Variants in AGBL4 observed in about 807,000 individuals in gnomAD.
AGBL4 encodes the protein AGBL carboxypeptidase 4.
In AGBL4, 58 loss-of-function variants were observed where a neutral mutation model predicts 66.4. The ratio of observed to expected loss-of-function variants is 0.87; its 90% CI spans 0.71 to 1.09. The LOEUF (loss-of-function observed/expected upper bound fraction) is 1.09. Ranked by LOEUF, AGBL4 falls within the 50% of genes least tolerant of loss-of-function variation. The pLI is 0.00. For synonymous variants in AGBL4, 234 were observed against 222.9 expected (o/e 1.05, Z -0.44); for missense variants, 579 against 631.0 (o/e 0.92, Z 0.88).
intron 6 of AGBL4, among the ~76,000 whole-genome samples, chr1:48,695,712 CAG>C (rs376757788): frequency 4.6e-4 from 70 of 152,284 alleles, no homozygotes; most frequent in African/African-American, 1.7e-3. Flanking sequence ...GAGAGGGACT[CAG>C]AGGAGGACAG....
intron 4 of AGBL4, among the ~76,000 whole-genome samples, chr1:49,202,727 A>T (rs1647808580): frequency 6.6e-6 from 1 of 152,092 alleles, no homozygotes; most frequent in Non-Finnish European, 1.5e-5. Flanking sequence ...TGACATCAAA[A>T]GCACAGCAAA....
intron 3 of AGBL4, among the ~76,000 whole-genome samples, chr1:49,695,597 G>A (rs76550531): frequency 2.0e-5 from 3 of 152,154 alleles, no homozygotes; most frequent in African/African-American, 7.2e-5. Context: ...ACTGAAAAGG[G>A]AACTCTGCCA....
chr1:49,568,413 G>A (rs1471091469), intron 3 of AGBL4, among the ~76,000 whole-genome samples: 1 of 149,880 alleles, frequency 6.7e-6, no homozygotes, highest in Admixed American at 6.7e-5. Context: ...AAAATACCTG[G>A]GAATACAACT....
chr1:49,613,832 C>G (rs1044919251), intron 3 of AGBL4, among the ~76,000 whole-genome samples: 2 of 152,160 alleles, frequency 1.3e-5, no homozygotes, highest in Non-Finnish European at 2.9e-5. Context: ...AACCATCCCC[C>G]CATCCCAGTC....
chr1:49,006,421 A>C (rs1461801073), intron 5 of AGBL4, among the ~76,000 whole-genome samples: 3 of 152,162 alleles, frequency 2.0e-5, no homozygotes, highest in Admixed American at 1.3e-4. Context: ...GTCTGAGATC[A>C]AACTGCAAGG....
chr1:49,799,261 T>C (rs1393642075), intron 2 of AGBL4, among the ~76,000 whole-genome samples: 11 of 152,112 alleles, frequency 7.2e-5, no homozygotes, highest in Non-Finnish European at 1.2e-4. Context: ...CATGTGATAA[T>C]AACTTTATAT....
chr1:49,364,787 A>C (rs1644211770), intron 3 of AGBL4, among the ~76,000 whole-genome samples: 1 of 152,164 alleles, frequency 6.6e-6, no homozygotes, highest in Non-Finnish European at 1.5e-5. Flanking sequence ...CCATGTGCGT[A>C]CTTTTACTTA....
intron 2 of AGBL4, among the ~76,000 whole-genome samples, chr1:49,832,462 T>C (rs1034397844): frequency 1.3e-5 from 2 of 150,820 alleles, no homozygotes; most frequent in African/African-American, 4.8e-5. Flanking sequence ...AACATACGTG[T>C]GCATGTGTCT....
chr1:48,797,822 CA>C (rs1239301748), intron 6 of AGBL4, among the ~76,000 whole-genome samples: 1 of 152,190 alleles, frequency 6.6e-6, no homozygotes, highest in Non-Finnish European at 1.5e-5. Context: ...GTTAGGATTA[CA>C]GGCGTGAGCC....
At chr1:49,021,015 C>A (rs1199796431) in intron 5 of AGBL4, among the ~76,000 whole-genome samples, 2 of 152,298 alleles carry the variant, frequency 1.3e-5, no homozygotes, top group East Asian at 3.9e-4. Context: ...GAGCTTCAGA[C>A]ACAATATTGC....
intron 4 of AGBL4, among the ~76,000 whole-genome samples, chr1:49,068,565 G>T (rs973815342): frequency 6.6e-6 from 1 of 151,898 alleles, no homozygotes; most frequent in African/African-American, 2.4e-5. Context: ...TGAACTCATC[G>T]TTTTTTATGG....
intron 1 of AGBL4, among the ~76,000 whole-genome samples, chr1:49,855,708 T>C (rs1470927254): frequency 2.6e-5 from 4 of 151,718 alleles, no homozygotes; most frequent in African/African-American, 9.7e-5. Context: ...TTGAAGCAAA[T>C]GAAAAAGCAA....
At chr1:50,018,728 T>C (rs897223751) in intron 1 of AGBL4, among the ~76,000 whole-genome samples, 1 of 152,072 alleles carries the variant, frequency 6.6e-6, no homozygotes, top group African/African-American at 2.4e-5. Flanking sequence ...ATCTCAGAAA[T>C]ACAGACATGA....
chr1:48,951,937 G>A (rs1247397591), intron 5 of AGBL4, among the ~76,000 whole-genome samples: 5 of 152,170 alleles, frequency 3.3e-5, no homozygotes, highest in African/African-American at 1.2e-4. Flanking sequence ...TTTTAAAGAT[G>A]AGAAAACAAA....
intron 1 of AGBL4, among the ~76,000 whole-genome samples, chr1:49,935,202 G>A (rs1376859495): frequency 6.6e-6 from 1 of 152,168 alleles, no homozygotes; most frequent in African/African-American, 2.4e-5. Flanking sequence ...GGCTCAGAGG[G>A]TCCTACACCC....
chr1:48,884,431 T>C (rs1387393889), intron 5 of AGBL4, among the ~76,000 whole-genome samples: 4 of 151,824 alleles, frequency 2.6e-5, no homozygotes, highest in Admixed American at 2.0e-4. Context: ...AAGTTTCTCA[T>C]AGTTATGAGC....
chr1:48,579,530 T>C (rs1644704714), intron 11 of AGBL4, among the ~76,000 whole-genome samples: 1 of 151,098 alleles, frequency 6.6e-6, no homozygotes, highest in Admixed American at 6.6e-5. Context: ...CATGAGCCAC[T>C]GCGCCCAGCC....
chr1:48,859,952 T>C (rs1190503493), intron 6 of AGBL4, among the ~76,000 whole-genome samples: 3 of 152,234 alleles, frequency 2.0e-5, no homozygotes, highest in Admixed American at 2.0e-4. Flanking sequence ...TTTAGCCATA[T>C]AAGATTCCCT....
chr1:48,782,180 T>C (rs1004038693), intron 6 of AGBL4, among the ~76,000 whole-genome samples: 8 of 152,228 alleles, frequency 5.3e-5, no homozygotes, highest in African/African-American at 1.9e-4. Context: ...AGACGCTGAC[T>C]GTCCTGTCTC....
Sources: allele counts gnomAD v4.1 joint callset (sites outside exome capture counted in the v4.1 genomes callset), GRCh38; gene constraint gnomAD v4.1.1; transcripts MANE v1.5; gene names NCBI Gene and HGNC (gene_info 2026-07-23, HGNC 2026-07-21).